The following PLIN5 variants were observed in gnomAD, a reference collection of about 807,000 sequenced individuals.
The protein encoded by PLIN5 is perilipin-5.
PLIN5 carries 34 observed loss-of-function variants against 32.8 expected under a neutral mutation model. The ratio of observed to expected loss-of-function variants is 1.04; its 90% CI spans 0.79 to 1.38. The LOEUF (loss-of-function observed/expected upper bound fraction) is 1.38. Ranked by LOEUF, PLIN5 falls within the 40% of genes most tolerant of loss-of-function variation. The pLI is 0.00. For synonymous variants in PLIN5, 309 were observed against 292.9 expected, an observed-to-expected ratio of 1.05 and a Z score of -0.56; for missense variants, 712 against 660.5, an observed-to-expected ratio of 1.08 and a Z score of -0.85.
Position 4,523,700 on chromosome 19 carries a change from C to G in PLIN5, c.1220G>C (p.Trp407Ser). ...DEVIGGPDPRWAHLDWPAQQR... is the reference protein window; with the variant it reads ...DEVIGGPDPRSAHLDWPAQQR... ...CTGGGCCGGCCAGTCCAGGTGCGCC[C>G]AGCGGGGGTCAGGGCCCCCGATGAC... The change falls in exon 8 of 8, where the codon TGG (tryptophan) becomes TCG (serine). Residue 407 changes from tryptophan to serine, a missense_variant. By Grantham distance (177) the Trp-to-Ser change is radical. Coordinates refer to ENST00000381848, the MANE Select transcript of PLIN5 (RefSeq NM_001013706.3). The surrounding 1 kb of genome is among the most constrained non-coding windows in gnomAD (Gnocchi z 5.0). 1 of 1,604,702 alleles carries G rather than the reference C, an allele frequency of 6.2e-7. No individual in the cohort carries two copies.
At position 4,525,218 on chromosome 19, in the gene PLIN5, G is replaced by T; in HGVS notation, c.721-142C>A. Reference sequence around the variant, plus strand: ...TTGTGCAGGGCCGTGGGGAAGACTTGGGCTTGGACCCCAAGGGAGGTGGGA... The same window carrying T: ...TTGTGCAGGGCCGTGGGGAAGACTTTGGCTTGGACCCCAAGGGAGGTGGGA... On this transcript the variant is annotated intron_variant, in intron 6 of 7. Coordinates refer to ENST00000381848, the MANE Select transcript of PLIN5 (RefSeq NM_001013706.3). The surrounding 1 kb of genome is among the most constrained non-coding windows in gnomAD (Gnocchi z 5.6). 1 of 582,576 alleles carries T rather than the reference G, an allele frequency of 1.7e-6. No individual in the cohort carries two copies. The highest frequency in any genetic ancestry group is 3.0e-6 in the Non-Finnish European group (1 of 337,500). The allele number at this position is 582,576 out of a possible 1,614,324, so 36.1% of individuals were successfully genotyped here. A position where few individuals can be genotyped will look rare whatever the true frequency, so the allele number is the denominator to read the frequency against.
intron 3 of PLIN5, 115 bp downstream of exon 3, chr19:4,531,512 C>T (rs1260056481): frequency 1.8e-6 from 2 of 1,093,064 alleles, no homozygotes; most frequent in Non-Finnish European, 2.5e-6. Flanking sequence ...GGACAGGTGG[C>T]TAGGCTGAAG....
chr19:4,534,230 A>G (rs1372777624), intron 1 of PLIN5, 135 bp from the exon 2 acceptor site: 2 of 704,058 alleles, frequency 2.8e-6, no homozygotes, highest in Non-Finnish European at 4.9e-6. Flanking sequence ...CATTCTGTGG[A>G]GCTCAGACAA....
At position 4,524,056 on chromosome 19, in the gene PLIN5, G is replaced by A; in HGVS notation, c.864C>T (p.Arg288=). ...TGCCCTGCAGCTCCTGGGTCAGGCT[G>A]CGGGACAGCACCAGCGTCTCCAGCT... ...QAELETLVLS[R]SLTQELQGTV... The change falls in exon 8 of 8, where the codon CGC becomes CGT. Residue 288 remains arginine, a synonymous_variant. Transcript: ENST00000381848. 10 of 1,464,842 alleles carry A rather than the reference G, an allele frequency of 6.8e-6. No homozygotes were observed. Among genetic ancestry groups the A allele is most frequent in the Non-Finnish European group, 9.0e-6 (10 of 1,116,052 alleles). The allele number at this position is 1,464,842 out of a possible 1,614,324, so 90.7% of individuals were successfully genotyped here.
At chr19:4,527,538 CAAAAAAAAAAAAAAAA>C (rs1176219746) in intron 5 of PLIN5, among the ~76,000 whole-genome samples, 6 of 29,682 alleles carry the variant, frequency 2.0e-4, no homozygotes, top group African/African-American at 4.8e-4. Flanking sequence ...GACTCCACTT[CAAAAAAAAAAAAAAAA>C]AAAAAAAAAA....
At chr19:4,529,989 G>A in intron 3 of PLIN5, 123 bp from the exon 4 acceptor site, 1 of 538,308 alleles carries the variant, frequency 1.9e-6, no homozygotes, top group Non-Finnish European at 3.2e-6. Context: ...AAGGAGACCA[G>A]GATAAGACAG....
rs202046404 is a variant in PLIN5 at position 4,529,757 on chromosome 19, G to A, written c.339+27C>T. The A allele has an allele frequency of 6.8e-4, 1,084 of 1,598,280 alleles. 9 individuals are homozygous for A. The African/African-American group carries it at 0.013, about 19-fold the overall frequency. On this transcript the variant is annotated intron_variant, in intron 4 of 7. Transcript: ENST00000381848. ...CTAATCTGGCCTGCCCCCACTGGAG[G>A]TCCCCATGTCTAGTCGTCCGGGGTA...
chr19:4,524,532 A>C (rs1568243021), intron 7 of PLIN5, among the ~76,000 whole-genome samples: 2 of 152,152 alleles, frequency 1.3e-5, no homozygotes, highest in Non-Finnish European at 2.9e-5. Context: ...AGCCTGGGCG[A>C]CAGAGACAGA....
chr19:4,523,478 G>T lies in PLIN5; in HGVS notation c.*50C>A, dbSNP rs779628821. ...CGTGTGGCCACCAGGGGGCAGCAGGGATCGGGGTGTGCAGGTGGCCTTTCC... is the reference window on the plus strand; with the variant it reads ...CGTGTGGCCACCAGGGGGCAGCAGGTATCGGGGTGTGCAGGTGGCCTTTCC... On this transcript the variant is annotated 3_prime_UTR_variant, in exon 8 of 8. Coordinates refer to ENST00000381848, the MANE Select transcript of PLIN5 (RefSeq NM_001013706.3). The surrounding 1 kb of genome is among the most constrained non-coding windows in gnomAD (Gnocchi z 5.0). 1 of 1,507,652 alleles carries T rather than the reference G, an allele frequency of 6.6e-7. No homozygotes were observed. Among genetic ancestry groups the T allele is most frequent in the South Asian group, 1.3e-5 (1 of 75,282 alleles). The allele number at this position is 1,507,652 out of a possible 1,614,324, so 93.4% of individuals were successfully genotyped here.
Position 4,523,591 on chromosome 19 carries a change from C to T in PLIN5, c.1329G>A (p.Glu443=). The T allele has an allele frequency of 6.2e-7, 1 of 1,604,950 alleles. No homozygotes were observed. Among genetic ancestry groups the T allele is most frequent in the Non-Finnish European group, 8.5e-7 (1 of 1,175,942 alleles). ...DRMGVAGDIC[E]QEPETPSCPV... ...GGCAGCTGGGGGTCTCGGGTTCCTG[C>T]TCGCAGATGTCCCCGGCAACACCCA... is the stretch of plus-strand genomic sequence containing the variant. The change falls in exon 8 of 8, where the codon GAG becomes GAA. Residue 443 remains glutamate, a synonymous_variant. Coordinates refer to ENST00000381848, the MANE Select transcript of PLIN5 (RefSeq NM_001013706.3). This position sits in a 1 kb window ranked among gnomAD's most constrained non-coding sequence, Gnocchi z 5.0.
chr19:4,534,841 TGACA>T (rs1268063659), intron 1 of PLIN5, among the ~76,000 whole-genome samples: 3 of 152,312 alleles, frequency 2.0e-5, no homozygotes, highest in Non-Finnish European at 4.4e-5. Context: ...ACAGCTCATT[TGACA>T]GACAGGGCAA....
chr19:4,525,163 C>T lies in PLIN5; in HGVS notation c.721-87G>A. On this transcript the variant is annotated intron_variant, in intron 6 of 7. Coordinates refer to ENST00000381848, the MANE Select transcript of PLIN5 (RefSeq NM_001013706.3). The surrounding 1 kb of genome is among the most constrained non-coding windows in gnomAD (Gnocchi z 5.6). ...TGGGGTCCAGGACCACTGATCTGGCCTCAGTAAGCATTTAGGAGACCGAGG... is the reference window on the plus strand; with the variant it reads ...TGGGGTCCAGGACCACTGATCTGGCTTCAGTAAGCATTTAGGAGACCGAGG... 5 of 819,026 alleles carry T rather than the reference C, an allele frequency of 6.1e-6. No individual in the cohort carries two copies. Among genetic ancestry groups the T allele is most frequent in the Non-Finnish European group, 3.7e-6 (2 of 547,708 alleles). The allele number at this position is 819,026 out of a possible 1,614,324, so 50.7% of individuals were successfully genotyped here. A position where few individuals can be genotyped will look rare whatever the true frequency, so the allele number is the denominator to read the frequency against.
chr19:4,529,461 C>T (rs1048191664), intron 4 of PLIN5: 4 of 584,474 alleles, frequency 6.8e-6, no homozygotes, highest in South Asian at 4.4e-5. Context: ...CATATGTATA[C>T]ACACATACAT....
In PLIN5 at chr19:4,525,598, G is replaced by A; in HGVS notation, c.720+35C>T. ...GTGCTCAATCCATACTGATTGGCCT[G>A]CATCCCGGAGCAGGGGCGGGCAGCG... On this transcript the variant is annotated intron_variant, in intron 6 of 7. Coordinates refer to ENST00000381848, the MANE Select transcript of PLIN5 (RefSeq NM_001013706.3). The surrounding 1 kb of genome is among the most constrained non-coding windows in gnomAD (Gnocchi z 5.6). 4.4e-6 allele frequency: 7 copies of A among 1,606,756 alleles called. No individual in the cohort carries two copies. The highest frequency in any genetic ancestry group is 5.1e-6 in the Non-Finnish European group (6 of 1,178,982).
chr19:4,525,846 T>G lies in PLIN5; in HGVS notation c.521-14A>C, dbSNP rs1280047508. 1 of 1,559,838 alleles carries G rather than the reference T, an allele frequency of 6.4e-7. No individual in the cohort carries two copies. Among genetic ancestry groups the G allele is most frequent in the African/African-American group, 2.0e-5 (1 of 49,866 alleles). On this transcript the variant is annotated splice_polypyrimidine_tract_variant and intron_variant, in intron 5 of 7. Transcript: ENST00000381848. The surrounding 1 kb of genome is among the most constrained non-coding windows in gnomAD (Gnocchi z 5.6). ...CCGCCAGTGCCGCTGGAGGACAGGA[T>G]ACGGGGACAGCACGGGGACAGGATA... is the stretch of plus-strand genomic sequence containing the variant.
Position 4,525,126 on chromosome 19 carries a change from T to TGGG in PLIN5, c.721-53_721-51dup. 3.8e-6 allele frequency: 1 copy of TGGG among 265,190 alleles called. No homozygotes were observed. The highest frequency in any genetic ancestry group is 1.3e-4 in the East Asian group (1 of 7,462). 16.4% of individuals were successfully genotyped at this position (265,190 alleles called of 1,614,324 possible). On this transcript the variant is annotated intron_variant, in intron 6 of 7. Coordinates refer to ENST00000381848, the MANE Select transcript of PLIN5 (RefSeq NM_001013706.3). The surrounding 1 kb of genome is among the most constrained non-coding windows in gnomAD (Gnocchi z 5.6). ...TCAGAGCTGGGGGAGCTGGGGGAGCTGGGGGTCGGGGTGGGGTCCAGGACC... is the reference window on the plus strand; with the variant it reads ...TCAGAGCTGGGGGAGCTGGGGGAGCTGGGGGGGGTCGGGGTGGGGTCCAGGACC...
At chr19:4,534,963 G>A (rs1976928743) in intron 1 of PLIN5, among the ~76,000 whole-genome samples, 1 of 152,138 alleles carries the variant, frequency 6.6e-6, no homozygotes, top group Non-Finnish European at 1.5e-5. Context: ...CGATCCCTCC[G>A]GTTGCCACCC....
chr19:4,529,889 T>C (rs752395924), intron 3 of PLIN5, 23 bp from the exon 4 acceptor site: 2 of 1,533,012 alleles, frequency 1.3e-6, no homozygotes, highest in Non-Finnish European at 1.8e-6. Flanking sequence ...AGGCGGGGAG[T>C]GAGACTCGGG....
intron 3 of PLIN5, among the ~76,000 whole-genome samples, chr19:4,531,269 G>A (rs1453295403): frequency 6.6e-6 from 1 of 151,980 alleles, no homozygotes; most frequent in Non-Finnish European, 1.5e-5. Context: ...GAAGTGCTGG[G>A]ATTACAGGCA....
Sources: allele counts gnomAD v4.1 joint callset (sites outside exome capture counted in the v4.1 genomes callset), GRCh38; gene constraint gnomAD v4.1.1; non-coding constraint Gnocchi (gnomAD v3.1); transcripts MANE v1.5; gene names NCBI Gene and HGNC (gene_info 2026-07-23, HGNC 2026-07-21).